Variants in PXDNL observed in about 807,000 individuals in gnomAD.
The protein encoded by PXDNL is peroxidasin like, also known as probable oxidoreductase PXDNL.
PXDNL carries 145 observed loss-of-function variants against 150.8 expected under a neutral mutation model. The ratio of observed to expected loss-of-function variants is 0.96; its 90% confidence interval spans 0.84 to 1.10. The LOEUF (loss-of-function observed/expected upper bound fraction) is 1.10, where lower values mean the gene tolerates loss of function less well. Among genes scored for constraint, PXDNL ranks in the 50% least tolerant of loss-of-function variants. The pLI, the probability that PXDNL is intolerant of heterozygous loss-of-function variation, is 0.00. For synonymous variants in PXDNL, 757 were observed against 725.7 expected, an observed-to-expected ratio of 1.04 and a Z score of -0.69; for missense variants, 2,087 against 1,873.9, an observed-to-expected ratio of 1.11 and a Z score of -2.10.
chr8:51,653,735 T>A (rs1815090086), intron 2 of PXDNL, among the ~76,000 whole-genome samples: 1 of 152,192 alleles, frequency 6.6e-6, no homozygotes, highest in African/African-American at 2.4e-5. Context: ...ACTCTAAAGT[T>A]AGAAGGGCTA....
rs1001866228 is a variant in PXDNL at position 51,759,925 on chromosome 8, G to A, written c.164+49256C>T. ...TCAGTAAATCCTGCTGACCTCAGCCGCCCCAAAAGTTCAGGTGCTGTTTCT... is the reference window on the plus strand; with the variant it reads ...TCAGTAAATCCTGCTGACCTCAGCCACCCCAAAAGTTCAGGTGCTGTTTCT... On this transcript the variant is annotated intron_variant, in intron 1 of 22. Coordinates refer to ENST00000356297, the MANE Select transcript of PXDNL (RefSeq NM_144651.5). Among the ~76,000 whole-genome samples the A allele has an allele frequency of 1.4e-4, 21 of 152,124 alleles. 1 individual carries two copies. The highest frequency in any genetic ancestry group is 6.5e-5 in the Admixed American group (1 of 15,276).
chr8:51,795,515 T>C (rs1439815940), intron 1 of PXDNL, among the ~76,000 whole-genome samples: 1 of 152,142 alleles, frequency 6.6e-6, no homozygotes, highest in East Asian at 1.9e-4. Flanking sequence ...CACAACTACA[T>C]GTAAATTGAA....
At chr8:51,439,872 C>G (rs1195101367) in intron 12 of PXDNL, among the ~76,000 whole-genome samples, 1 of 150,656 alleles carries the variant, frequency 6.6e-6, no homozygotes, top group African/African-American at 2.4e-5. Flanking sequence ...CCATTTGATC[C>G]AACAATTCCC....
chr8:51,734,999 T>G (rs773856181), intron 1 of PXDNL, among the ~76,000 whole-genome samples: 2 of 152,214 alleles, frequency 1.3e-5, no homozygotes, highest in African/African-American at 4.8e-5. Flanking sequence ...GTGACTATGG[T>G]TAATAACAAC....
chr8:51,658,430 T>G (rs1815202040), intron 1 of PXDNL, among the ~76,000 whole-genome samples: 1 of 151,702 alleles, frequency 6.6e-6, no homozygotes, highest in South Asian at 2.1e-4. Flanking sequence ...GAGATCGACT[T>G]AAACTCCAAT....
chr8:51,536,640 A>T (rs1246187838), intron 4 of PXDNL, among the ~76,000 whole-genome samples: 27 of 144,426 alleles, frequency 1.9e-4, no homozygotes, highest in Admixed American at 6.3e-4. Flanking sequence ...TTTTTTTTTT[A>T]AATGCATTTA....
chr8:51,544,613 C>T (rs958326690), intron 4 of PXDNL, among the ~76,000 whole-genome samples: 26 of 152,176 alleles, frequency 1.7e-4, no homozygotes, highest in African/African-American at 6.3e-4. Flanking sequence ...AATTTTCAAT[C>T]AGCAAACAAT....
intron 5 of PXDNL, among the ~76,000 whole-genome samples, chr8:51,491,443 T>C (rs781510872): frequency 1.3e-5 from 2 of 152,230 alleles, no homozygotes. Flanking sequence ...TGATATCACA[T>C]GTCTGTACTA....
intron 8 of PXDNL, among the ~76,000 whole-genome samples, chr8:51,464,807 G>T (rs1810165365): frequency 6.6e-6 from 1 of 152,118 alleles, no homozygotes; most frequent in African/African-American, 2.4e-5. Flanking sequence ...CAAGGCACAT[G>T]TATACTTATG....
At chr8:51,664,608 T>C (rs574514270) in intron 1 of PXDNL, among the ~76,000 whole-genome samples, 7 of 152,200 alleles carry the variant, frequency 4.6e-5, no homozygotes, top group African/African-American at 1.4e-4. Context: ...GCTGTATTTT[T>C]ATCTGGCATT....
chr8:51,407,008 T>A, intron 17 of PXDNL, among the ~76,000 whole-genome samples: 1 of 152,240 alleles, frequency 6.6e-6, no homozygotes, highest in East Asian at 1.9e-4. Context: ...TAATTTAATC[T>A]TTAAACAATT....
chr8:51,413,065 C>G lies in PXDNL; in HGVS notation c.1904+85G>C, dbSNP rs965849061. 1.3e-5 allele frequency: 11 copies of G among 819,202 alleles called. No individual in the cohort carries two copies. In the African/African-American group the frequency reaches 1.9e-4, roughly 14 times the overall value. The allele number at this position is 819,202 out of a possible 1,614,324, so 50.7% of individuals were successfully genotyped here. On this transcript the variant is annotated intron_variant, in intron 15 of 22. Coordinates refer to ENST00000356297, the MANE Select transcript of PXDNL (RefSeq NM_144651.5). ...AAGAAAGCACTCTATTGCATATGCA[C>G]TATAATGTGACTTATGGAGATGATA...
chr8:51,339,966 G>A (rs1199098929), intron 20 of PXDNL: 2 of 404,394 alleles, frequency 4.9e-6, no homozygotes, highest in Non-Finnish European at 8.7e-6. Flanking sequence ...TCTGGTTCAT[G>A]TAATTTATCT....
intron 17 of PXDNL, among the ~76,000 whole-genome samples, chr8:51,396,767 C>T (rs547135693): frequency 2.6e-5 from 4 of 152,064 alleles, no homozygotes; most frequent in South Asian, 4.1e-4. Context: ...TCAAAAATAA[C>T]GGTAATAATA....
At chr8:51,790,363 C>T (rs1289496150) in intron 1 of PXDNL, among the ~76,000 whole-genome samples, 1 of 152,176 alleles carries the variant, frequency 6.6e-6, no homozygotes, top group African/African-American at 2.4e-5. Context: ...TGGCCTCAGA[C>T]TCCAAAGAAT....
At chr8:51,722,270 A>G (rs1396390281) in intron 1 of PXDNL, 1 of 152,520 alleles carries the variant, frequency 6.6e-6, no homozygotes, top group Non-Finnish European at 1.5e-5. Context: ...CTATTTGGCC[A>G]CTATGCGCAC....
chr8:51,722,076 T>C, intron 1 of PXDNL: 1 of 178,852 alleles, frequency 5.6e-6, no homozygotes, highest in South Asian at 1.3e-4. Context: ...GACCACCTTC[T>C]TCCTTCCGCA....
At chr8:51,531,390 A>G (rs1202796710) in intron 4 of PXDNL, among the ~76,000 whole-genome samples, 1 of 152,064 alleles carries the variant, frequency 6.6e-6, no homozygotes, top group Non-Finnish European at 1.5e-5. Context: ...CCCACTGCCC[A>G]CAGCATATAC....
At chr8:51,780,196 A>G (rs2037396800) in intron 1 of PXDNL, among the ~76,000 whole-genome samples, 1 of 152,082 alleles carries the variant, frequency 6.6e-6, no homozygotes, top group East Asian at 1.9e-4. Context: ...CAGGCAATAC[A>G]GTGAAACTCT....
Sources: gnomAD v4.1 joint callset for allele counts (sites outside exome capture counted in the v4.1 genomes callset) on GRCh38, gnomAD v4.1.1 for gene constraint, MANE v1.5 for transcripts, NCBI Gene and HGNC (gene_info 2026-07-23, HGNC 2026-07-21) for gene names.